DLG2: variants seen among roughly 807,000 people sequenced by gnomAD.
DLG2 encodes discs large MAGUK scaffold protein 2.
Under a neutral mutation model 132.5 loss-of-function variants are expected in DLG2, and 45 were observed. The ratio of observed to expected loss-of-function variants is 0.34; its 90% CI spans 0.27 to 0.44. The LOEUF is 0.44. DLG2 is among the 20% of genes least tolerant of loss of function. DLG2 has a pLI of 1.00. For missense variants in DLG2, 1,045 were observed against 1,196.9 expected (o/e 0.87, Z 1.87); for synonymous variants, 424 against 419.6 (o/e 1.01, Z -0.13).
chr11:85,484,520 C>A (rs2093381519), intron 3 of DLG2, among the ~76,000 whole-genome samples: 1 of 151,324 alleles, frequency 6.6e-6, no homozygotes, highest in South Asian at 2.1e-4. Flanking sequence ...AAACAAACAA[C>A]CCCATCAAAA....
At chr11:85,207,355 A>G (rs1021624672) in intron 4 of DLG2, among the ~76,000 whole-genome samples, 10 of 152,198 alleles carry the variant, frequency 6.6e-5, no homozygotes, top group Non-Finnish European at 7.3e-5. Context: ...TACACATATC[A>G]TCTACAACAA....
chr11:83,872,784 C>T (rs539130292), intron 16 of DLG2, among the ~76,000 whole-genome samples: 1 of 152,180 alleles, frequency 6.6e-6, no homozygotes, highest in South Asian at 2.1e-4. Flanking sequence ...GTGCTGATGG[C>T]CAAAATGTGA....
chr11:84,626,867 T>TTATTG (rs1288500851), intron 6 of DLG2, among the ~76,000 whole-genome samples: 3 of 146,976 alleles, frequency 2.0e-5, no homozygotes, highest in Non-Finnish European at 4.5e-5. Context: ...TTATTTTATT[T>TTATTG]TATTTTATTT....
chr11:85,339,846 C>T (rs1168825864), intron 3 of DLG2, among the ~76,000 whole-genome samples: 1 of 152,128 alleles, frequency 6.6e-6, no homozygotes, highest in Admixed American at 6.6e-5. Flanking sequence ...ACAGACACTT[C>T]TCAAAAGAAG....
At chr11:84,463,774 G>C (rs2099086719) in intron 7 of DLG2, among the ~76,000 whole-genome samples, 1 of 151,070 alleles carries the variant, frequency 6.6e-6, no homozygotes, top group African/African-American at 2.4e-5. Context: ...GTACCTGGAA[G>C]AAAATCCCTA....
chr11:84,748,597 T>G (rs2065694877), intron 6 of DLG2, among the ~76,000 whole-genome samples: 1 of 152,206 alleles, frequency 6.6e-6, no homozygotes, highest in Non-Finnish European at 1.5e-5. Context: ...GCTAATTTAT[T>G]TGTATATGTC....
chr11:83,657,185 C>T (rs1233026581), intron 18 of DLG2, among the ~76,000 whole-genome samples: 2 of 152,344 alleles, frequency 1.3e-5, no homozygotes, highest in South Asian at 2.1e-4. Flanking sequence ...GTATTAAACA[C>T]ACCTAGTGCC....
At chr11:84,307,698 A>AT (rs2098237973) in intron 7 of DLG2, among the ~76,000 whole-genome samples, 2 of 101,498 alleles carry the variant, frequency 2.0e-5, no homozygotes. Context: ...GCAGTCTCAA[A>AT]AAAAAAAAAA....
chr11:84,743,007 T>C (rs551918841), intron 6 of DLG2, among the ~76,000 whole-genome samples: 20 of 152,320 alleles, frequency 1.3e-4, no homozygotes, highest in African/African-American at 4.6e-4. Flanking sequence ...ACACATATCA[T>C]AGAGACCCTA....
At chr11:83,545,440 C>T (rs183205448) in intron 19 of DLG2, among the ~76,000 whole-genome samples, 10 of 152,184 alleles carry the variant, frequency 6.6e-5, no homozygotes, top group African/African-American at 2.4e-4. Context: ...CACTTAAAAG[C>T]TGTTTTCTGG....
intron 8 of DLG2, among the ~76,000 whole-genome samples, chr11:84,227,048 T>C (rs907368548): frequency 6.6e-6 from 1 of 152,010 alleles, no homozygotes; most frequent in African/African-American, 2.4e-5. Context: ...ATCGTGCCAC[T>C]ACACTCCAGC....
intron 26 of DLG2, 114 bp downstream of exon 26, chr11:83,466,594 C>G (rs1240617538): frequency 3.5e-6 from 2 of 578,378 alleles, no homozygotes; most frequent in Admixed American, 5.2e-5. Context: ...GCTGAAAAAT[C>G]AACAATGGCA....
chr11:84,593,023 G>A (rs1278030473), intron 6 of DLG2, among the ~76,000 whole-genome samples: 1 of 149,650 alleles, frequency 6.7e-6, no homozygotes, highest in African/African-American at 2.5e-5. Flanking sequence ...GGAGGGTGAG[G>A]CAGGAGAATC....
chr11:84,923,227 C>G, intron 6 of DLG2: 1 of 1,567,304 alleles, frequency 6.4e-7, no homozygotes, highest in Non-Finnish European at 8.7e-7. Context: ...TTCCCTCTGT[C>G]AGTTTGAAAA....
At chr11:85,364,874 CTT>C (rs369527759) in intron 3 of DLG2, among the ~76,000 whole-genome samples, 1 of 146,378 alleles carries the variant, frequency 6.8e-6, no homozygotes, top group Non-Finnish European at 1.5e-5. Flanking sequence ...TCCTTCTGAG[CTT>C]TTTTTTTTGG....
chr11:85,456,212 G>T (rs940572934), intron 3 of DLG2, among the ~76,000 whole-genome samples: 1 of 152,086 alleles, frequency 6.6e-6, no homozygotes, highest in Non-Finnish European at 1.5e-5. Flanking sequence ...TATGTGTCCA[G>T]GAATTTATCC....
chr11:84,173,696 TTTTG>T (rs1489836436), intron 8 of DLG2, among the ~76,000 whole-genome samples: 1 of 152,196 alleles, frequency 6.6e-6, no homozygotes, highest in Non-Finnish European at 1.5e-5. Context: ...CCTCTGCAGC[TTTTG>T]TTTGTGTTCC....
chr11:85,154,312 C>A (rs917865192), intron 5 of DLG2, among the ~76,000 whole-genome samples: 1 of 152,088 alleles, frequency 6.6e-6, no homozygotes, highest in Non-Finnish European at 1.5e-5. Flanking sequence ...TGTGTGATAA[C>A]CAGCACTTGA....
At chr11:84,873,580 C>G (rs1016925834) in intron 6 of DLG2, among the ~76,000 whole-genome samples, 2 of 152,194 alleles carry the variant, frequency 1.3e-5, no homozygotes, top group African/African-American at 4.8e-5. Flanking sequence ...GCCATACAAT[C>G]CTGTGTCAGG....
Sources: allele counts gnomAD v4.1 joint callset (sites outside exome capture counted in the v4.1 genomes callset), GRCh38; gene constraint gnomAD v4.1.1; transcripts MANE v1.5; gene names NCBI Gene and HGNC (gene_info 2026-07-23, HGNC 2026-07-21).